The following PBX3 variants were observed in gnomAD, a reference collection of about 807,000 sequenced individuals.
The protein encoded by PBX3 is pre-B-cell leukemia transcription factor 3.
A neutral mutation model predicts 48.5 loss-of-function variants in PBX3; 14 were observed. The ratio of observed to expected loss-of-function variants is 0.29; its 90% CI spans 0.19 to 0.45. The LOEUF (loss-of-function observed/expected upper bound fraction) is 0.45, where lower values mean the gene tolerates loss of function less well. PBX3 is among the 20% of genes least tolerant of loss of function. The pLI, the probability that PBX3 is intolerant of heterozygous loss-of-function variation, is 1.00. For missense variants in PBX3, 386 were observed against 546.7 expected, an observed-to-expected ratio of 0.71 and a Z score of 2.93; for synonymous variants, 210 against 200.3, an observed-to-expected ratio of 1.05 and a Z score of -0.41.
At chr9:125,804,914 T>TGAGA (rs746918368) in intron 2 of PBX3, among the ~76,000 whole-genome samples, 3 of 146,058 alleles carry the variant, frequency 2.1e-5, no homozygotes, top group Non-Finnish European at 4.5e-5. Flanking sequence ...GCCACTGCAC[T>TGAGA]CCAGCCTGGG....
At chr9:125,765,842 G>C (rs10986888) in intron 2 of PBX3, among the ~76,000 whole-genome samples, 3,053 of 152,240 alleles carry the variant, frequency 0.02, 172 homozygotes, top group East Asian at 0.17. Flanking sequence ...AAGAGTTTGT[G>C]TGGGTATAAG....
At chr9:125,790,123 G>A (rs1015800132) in intron 2 of PBX3, among the ~76,000 whole-genome samples, 5 of 152,146 alleles carry the variant, frequency 3.3e-5, no homozygotes, top group Non-Finnish European at 5.9e-5. Context: ...TAAGAAAGTG[G>A]GAGAAATGAT....
intron 2 of PBX3, among the ~76,000 whole-genome samples, chr9:125,831,451 C>G (rs988999368): frequency 5.3e-5 from 8 of 149,808 alleles, no homozygotes; most frequent in African/African-American, 2.0e-4. Context: ...GAGATGGAGT[C>G]TCGCTCTGTT....
rs10986979 is a variant in PBX3 at position 125,854,058 on chromosome 9, C to G, written c.275-61628C>G. Among the ~76,000 whole-genome samples the G allele has an allele frequency of 5.5e-4, 83 of 152,184 alleles. 5 individuals carry two copies. The East Asian group carries it at 0.016, about 29-fold the overall frequency. On this transcript the variant is annotated intron_variant, in intron 2 of 8. Transcript: ENST00000373489. ...CACATGCACAACATGGCACTGTAAT[C>G]GGAATCTCTGGAGAGCACCAAGCTT... is the stretch of plus-strand genomic sequence containing the variant.
chr9:125,747,479 A>T lies in PBX3; in HGVS notation c.26A>T (p.Gln9Leu), dbSNP rs1456162755. MDDQSRML[Q>L]TLAGVNLAGH... ...ATGGACGATCAATCCAGGATGCTGC[A>T]GACTCTGGCCGGGGTGAACCTGGCT... Residue 9 changes from glutamine (Q) to leucine (L), a missense_variant, in exon 1 of 9, where the codon CAG becomes CTG. Physicochemically the swap from Gln to Leu is moderately radical, Grantham distance 113. Coordinates refer to ENST00000373489, the MANE Select transcript of PBX3 (RefSeq NM_006195.6). The T allele has an allele frequency of 6.3e-7, 1 of 1,577,552 alleles. No homozygotes were observed. The highest frequency in any genetic ancestry group is 8.6e-7 in the Non-Finnish European group (1 of 1,163,920).
At chr9:125,946,756 A>G (rs1842072841) in intron 5 of PBX3, among the ~76,000 whole-genome samples, 1 of 152,198 alleles carries the variant, frequency 6.6e-6, no homozygotes. Flanking sequence ...TATAAATGTG[A>G]TTGAGCCCCA....
intron 2 of PBX3, among the ~76,000 whole-genome samples, chr9:125,787,178 T>G (rs1837480116): frequency 6.6e-6 from 1 of 152,196 alleles, no homozygotes; most frequent in South Asian, 2.1e-4. Flanking sequence ...TAGCTTGGAC[T>G]GCAGGTGTAC....
intron 2 of PBX3, among the ~76,000 whole-genome samples, chr9:125,882,119 A>C (rs1840396680): frequency 6.6e-6 from 1 of 152,048 alleles, no homozygotes; most frequent in Non-Finnish European, 1.5e-5. Context: ...AATCCTAGCT[A>C]CTATGGAGGA....
chr9:125,786,923 C>T (rs2132051553), intron 2 of PBX3, among the ~76,000 whole-genome samples: 1 of 152,156 alleles, frequency 6.6e-6, no homozygotes, highest in South Asian at 2.1e-4. Flanking sequence ...CGGGGTTTCA[C>T]CATGTTGGCC....
At chr9:125,809,766 G>A (rs985714934) in intron 2 of PBX3, among the ~76,000 whole-genome samples, 1 of 152,094 alleles carries the variant, frequency 6.6e-6, no homozygotes, top group African/African-American at 2.4e-5. Context: ...GAAAGTACAA[G>A]CCATGACTGG....
In PBX3 at chr9:125,960,380, GC is replaced by G. The variant is rs552182256; in HGVS notation, c.844-302del. Reference sequence around the variant, plus strand: ...TCAGCTTTTCAGCCTGATTTTGGGGGCCTGACTATTTATATACTAATCGGTA... The same window carrying G: ...TCAGCTTTTCAGCCTGATTTTGGGGGCTGACTATTTATATACTAATCGGTA... On this transcript the variant is annotated intron_variant, in intron 5 of 8. Transcript: ENST00000373489. Among the ~76,000 whole-genome samples, 20 of 152,294 alleles carry G rather than the reference GC, an allele frequency of 1.3e-4. No individual in the cohort carries two copies. The East Asian group carries it at 3.9e-3, about 29-fold the overall frequency.
chr9:125,940,310 T>G (rs1841932859), intron 5 of PBX3, among the ~76,000 whole-genome samples: 2 of 152,370 alleles, frequency 1.3e-5, no homozygotes, highest in African/African-American at 4.8e-5. Context: ...ATTTAATTAT[T>G]ATGCATTACA....
chr9:125,828,444 A>G (rs1838867060), intron 2 of PBX3, among the ~76,000 whole-genome samples: 2 of 152,210 alleles, frequency 1.3e-5, no homozygotes. Context: ...ATGGGAATGA[A>G]TACAGCTCTT....
At chr9:125,793,366 A>AATATATATATAT (rs1554855765) in intron 2 of PBX3, among the ~76,000 whole-genome samples, 215 of 101,908 alleles carry the variant, frequency 2.1e-3, no homozygotes, top group African/African-American at 2.9e-3. Flanking sequence ...GGAAAAAAAA[A>AATATATATATAT]ATATATATAT....
intron 2 of PBX3, among the ~76,000 whole-genome samples, chr9:125,810,365 A>AGTGTGTGTGTGTGTGT (rs113025234): frequency 5.5e-5 from 8 of 145,416 alleles, no homozygotes; most frequent in African/African-American, 1.8e-4. Flanking sequence ...AGCAGGAATG[A>AGTGTGTGTGTGTGTGT]GTGTGTGTGT....
chr9:125,907,167 A>G (rs531927977), intron 2 of PBX3, among the ~76,000 whole-genome samples: 5 of 152,152 alleles, frequency 3.3e-5, no homozygotes, highest in Admixed American at 1.3e-4. Flanking sequence ...GGAACCAGAA[A>G]CTTAGGTCAT....
At chr9:125,936,211 A>C (rs1419942279) in intron 5 of PBX3, among the ~76,000 whole-genome samples, 1 of 152,184 alleles carries the variant, frequency 6.6e-6, no homozygotes, top group East Asian at 1.9e-4. Context: ...GTCATCTTCT[A>C]ACAAAAATAC....
chr9:125,808,477 A>C (rs1482448879), intron 2 of PBX3, among the ~76,000 whole-genome samples: 2 of 151,978 alleles, frequency 1.3e-5, no homozygotes, highest in African/African-American at 4.8e-5. Flanking sequence ...GGAATTTGAG[A>C]CCACCCTGGG....
At chr9:125,965,113 A>G (rs1204844361) in intron 8 of PBX3, among the ~76,000 whole-genome samples, 1 of 152,244 alleles carries the variant, frequency 6.6e-6, no homozygotes, top group East Asian at 1.9e-4. Context: ...AAATCTGATC[A>G]GACATTGATT....
Sources: allele counts gnomAD v4.1 joint callset (sites outside exome capture counted in the v4.1 genomes callset), GRCh38; gene constraint gnomAD v4.1.1; transcripts MANE v1.5; gene names NCBI Gene and HGNC (gene_info 2026-07-23, HGNC 2026-07-21).